The following SUMF1 variants were observed in gnomAD, a reference collection of about 807,000 sequenced individuals.
The protein encoded by SUMF1 is formylglycine-generating enzyme.
Under a neutral mutation model 47.6 loss-of-function variants are expected in SUMF1, and 48 were observed. The ratio of observed to expected loss-of-function variants is 1.01; its 90% CI spans 0.80 to 1.28. The LOEUF (loss-of-function observed/expected upper bound fraction) is 1.28, where lower values mean the gene tolerates loss of function less well. Ranked by LOEUF, SUMF1 falls within the 50% of genes most tolerant of loss-of-function variation. The pLI is 0.00. For missense variants in SUMF1, 571 were observed against 485.4 expected, an observed-to-expected ratio of 1.18 and a Z score of -1.66; for synonymous variants, 230 against 192.1, an observed-to-expected ratio of 1.20 and a Z score of -1.63.
At chr3:4,320,456 T>A (rs1698805291) in intron 8 of SUMF1, among the ~76,000 whole-genome samples, 1 of 152,156 alleles carries the variant, frequency 6.6e-6, no homozygotes, top group South Asian at 2.1e-4. Context: ...AAGACCATTT[T>A]AATTACATAC....
chr3:4,123,332 T>A (rs1461805438), intron 8 of SUMF1, among the ~76,000 whole-genome samples: 1 of 152,118 alleles, frequency 6.6e-6, no homozygotes, highest in Non-Finnish European at 1.5e-5. Flanking sequence ...AATTCCTAAC[T>A]CTATACAGAG....
At chr3:4,178,060 G>A (rs891592591) in intron 8 of SUMF1, among the ~76,000 whole-genome samples, 1 of 151,894 alleles carries the variant, frequency 6.6e-6, no homozygotes, top group Non-Finnish European at 1.5e-5. Context: ...GAGCCTACCA[G>A]CCAAAAAAAG....
In SUMF1 at chr3:4,311,658, C is replaced by G. The variant is rs140863016; in HGVS notation, c.1014+64672G>C. Among the ~76,000 whole-genome samples, 627 of 152,322 alleles carry G rather than the reference C, an allele frequency of 4.1e-3. 9 individuals are homozygous for G. The highest frequency in any genetic ancestry group is 0.014 in the African/African-American group (595 of 41,566). ...TATATCCTTCTCTGAATTGGCAGCTCTCAGGCAGAGCCAAATATCCAGTCT... is the reference window on the plus strand; with the variant it reads ...TATATCCTTCTCTGAATTGGCAGCTGTCAGGCAGAGCCAAATATCCAGTCT... On this transcript the variant is annotated intron_variant and NMD_transcript_variant, in intron 8 of 12. Coordinates refer to the SUMF1 transcript ENST00000448413.
rs1347739158 is a variant in SUMF1, at chr3:4,153,089, C to G, written c.1015-84344G>C. ...TGCAAAGTTACAGCTACAATCACTTCTGATCCTCAAAAAGTTTAATGGATA... is the reference window on the plus strand; with the variant it reads ...TGCAAAGTTACAGCTACAATCACTTGTGATCCTCAAAAAGTTTAATGGATA... On this transcript the variant is annotated intron_variant and NMD_transcript_variant, in intron 8 of 12. Coordinates refer to the SUMF1 transcript ENST00000448413. Among the ~76,000 whole-genome samples the G allele has an allele frequency of 3.3e-5, 5 of 151,684 alleles. No homozygotes were observed. The South Asian group carries it at 1.0e-3, about 32-fold the overall frequency.
At position 4,351,429 on chromosome 3, in the gene SUMF1, T is replaced by C. The variant is rs541431136; in HGVS notation, c.1014+24901A>G. Among the ~76,000 whole-genome samples the C allele has an allele frequency of 1.2e-4, 19 of 152,300 alleles. No homozygotes were observed. In the East Asian group the frequency reaches 3.3e-3, roughly 26 times the overall value. ...ATCTTATCAAGGAAGTCCTCTCATA[T>C]ACTTTTTCAGACCGCTATTTCATGA... is the stretch of plus-strand genomic sequence containing the variant. On this transcript the variant is annotated intron_variant and NMD_transcript_variant, in intron 8 of 12. Coordinates refer to the SUMF1 transcript ENST00000448413.
At position 4,127,807 on chromosome 3, in the gene SUMF1, G is replaced by A. The variant is rs1050987625; in HGVS notation, c.1015-59062C>T. 9.2e-5 allele frequency among the ~76,000 whole-genome samples: 14 copies of A among 152,140 alleles called. No homozygotes were observed. In the East Asian group the frequency reaches 2.7e-3, roughly 29 times the overall value. On this transcript the variant is annotated intron_variant and NMD_transcript_variant, in intron 8 of 12. Transcript: ENST00000448413. ...GGATGGAGTTCTTTCATTGGTTTTG[G>A]GGTTTCTGGAGTTGGCTGCTTAATA... is the stretch of plus-strand genomic sequence containing the variant.
intron 1 of SUMF1, among the ~76,000 whole-genome samples, chr3:4,461,913 C>T (rs1393735215): frequency 6.6e-6 from 1 of 152,178 alleles, no homozygotes; most frequent in African/African-American, 2.4e-5. Context: ...ATCCATATCT[C>T]CTCCAATCTG....
At chr3:4,207,529 A>G (rs1188286635) in intron 8 of SUMF1, among the ~76,000 whole-genome samples, 1 of 152,004 alleles carries the variant, frequency 6.6e-6, no homozygotes, top group African/African-American at 2.4e-5. Flanking sequence ...TATGTTGGAT[A>G]TTTTCAAACG....
intron 9 of SUMF1, among the ~76,000 whole-genome samples, chr3:4,053,390 G>A (rs1311323783): frequency 6.6e-6 from 1 of 152,092 alleles, no homozygotes; most frequent in Non-Finnish European, 1.5e-5. Context: ...CTTAAATATT[G>A]TGAAAATTTT....
chr3:4,108,814 G>T (rs1276758211), intron 8 of SUMF1, among the ~76,000 whole-genome samples: 1 of 152,050 alleles, frequency 6.6e-6, no homozygotes, highest in Non-Finnish European at 1.5e-5. Flanking sequence ...GAGCCTATGT[G>T]TGTCCCTGCA....
At chr3:4,143,428 G>A (rs376493006) in intron 8 of SUMF1, among the ~76,000 whole-genome samples, 2 of 152,076 alleles carry the variant, frequency 1.3e-5, no homozygotes, top group East Asian at 1.9e-4. Context: ...GGAACATAAT[G>A]AGAAGGTCAG....
At chr3:4,276,736 T>C (rs1192690265) in intron 8 of SUMF1, among the ~76,000 whole-genome samples, 1 of 152,226 alleles carries the variant, frequency 6.6e-6, no homozygotes. Flanking sequence ...GTTTTCCAAA[T>C]ATGGCTTCAT....
intron 9 of SUMF1, among the ~76,000 whole-genome samples, chr3:4,040,976 G>A (rs2125017399): frequency 6.6e-6 from 1 of 151,990 alleles, no homozygotes; most frequent in South Asian, 2.1e-4. Context: ...GTAACCTCAG[G>A]TTGGGTGCCC....
rs141864371 is a variant in SUMF1, at chr3:4,152,195, A to T, written c.1015-83450T>A. ...AAATTTTAATGTTTGAAATGAACTT[A>T]GAAATTTGCCTGGCACAAAGCAGTG... On this transcript the variant is annotated intron_variant and NMD_transcript_variant, in intron 8 of 12. Coordinates refer to the SUMF1 transcript ENST00000448413. Among the ~76,000 whole-genome samples, 9 of 151,832 alleles carry T rather than the reference A, an allele frequency of 5.9e-5. No homozygotes were observed. The East Asian group carries it at 1.7e-3, about 29-fold the overall frequency.
intron 8 of SUMF1, among the ~76,000 whole-genome samples, chr3:4,344,189 C>A (rs1699326614): frequency 6.6e-6 from 1 of 152,210 alleles, no homozygotes; most frequent in Non-Finnish European, 1.5e-5. Context: ...TCAAAATTGA[C>A]TAGAAGGCTG....
At chr3:4,275,984 G>C (rs1269177064) in intron 8 of SUMF1, among the ~76,000 whole-genome samples, 1 of 152,126 alleles carries the variant, frequency 6.6e-6, no homozygotes, top group Non-Finnish European at 1.5e-5. Flanking sequence ...TCCCAAATCA[G>C]TTTCATTTCT....
intron 8 of SUMF1, among the ~76,000 whole-genome samples, chr3:4,293,631 A>G (rs1020888771): frequency 1.3e-5 from 2 of 152,204 alleles, no homozygotes; most frequent in Admixed American, 1.3e-4. Context: ...ATAACATTCG[A>G]ATGTCACAAA....
chr3:4,171,162 T>C (rs1694824406), intron 8 of SUMF1, among the ~76,000 whole-genome samples: 2 of 152,156 alleles, frequency 1.3e-5, no homozygotes, highest in Non-Finnish European at 2.9e-5. Flanking sequence ...TTATAACAGT[T>C]TTTCACCCCC....
At chr3:4,182,893 G>A (rs148956754) in intron 8 of SUMF1, among the ~76,000 whole-genome samples, 1 of 152,230 alleles carries the variant, frequency 6.6e-6, no homozygotes, top group East Asian at 1.9e-4. Context: ...AAGAGGGTAA[G>A]TTGGACACTC....
Sources: gnomAD v4.1 joint callset for allele counts (sites outside exome capture counted in the v4.1 genomes callset) on GRCh38, gnomAD v4.1.1 for gene constraint, MANE v1.5 for transcripts, NCBI Gene and HGNC (gene_info 2026-07-23, HGNC 2026-07-21) for gene names.